The following C7orf78 variants were observed in gnomAD, a reference collection of about 807,000 sequenced individuals.
C7orf78 encodes putative uncharacterized protein C7orf78.
At chr7:12,487,347 C>T in the C7orf78 span, among the ~76,000 whole-genome samples, 4 of 151,930 alleles carry the variant, frequency 2.6e-5, no homozygotes, top group African/African-American at 9.7e-5. Context: ...TATTAGAATA[C>T]TGAAATAAAC....
At chr7:12,504,643 A>C in the C7orf78 span, 17 of 152,136 alleles carry the variant, frequency 1.1e-4, no homozygotes, top group Non-Finnish European at 2.2e-4. Context: ...TTTGGAGCCT[A>C]TATGTTTTAT....
the C7orf78 span, chr7:12,483,457 G>T: frequency 3.3e-5 from 5 of 152,160 alleles, no homozygotes; most frequent in South Asian, 8.3e-4. Flanking sequence ...ACAAAGAACA[G>T]AAGTCGATCT....
At chr7:12,503,276 AT>A in the C7orf78 span, among the ~76,000 whole-genome samples, 4 of 151,812 alleles carry the variant, frequency 2.6e-5, no homozygotes, top group South Asian at 2.1e-4. Context: ...AAGAAAAAAA[AT>A]ATTTATGGGA....
chr7:12,512,707 A>C, the C7orf78 span, among the ~76,000 whole-genome samples: 3 of 152,052 alleles, frequency 2.0e-5, no homozygotes, highest in Admixed American at 1.3e-4. Context: ...GATCTTGTAG[A>C]ATGAGTTAGT....
the C7orf78 span, among the ~76,000 whole-genome samples, chr7:12,536,870 C>T: frequency 6.6e-6 from 1 of 152,158 alleles, no homozygotes; most frequent in African/African-American, 2.4e-5. Context: ...CTCCAGTTTT[C>T]AACAAGTTCC....
chr7:12,499,525 G>C, the C7orf78 span, among the ~76,000 whole-genome samples: 2 of 148,432 alleles, frequency 1.3e-5, no homozygotes, highest in African/African-American at 2.5e-5. Flanking sequence ...AACAAGAAGA[G>C]CTAACTATCC....
the C7orf78 span, among the ~76,000 whole-genome samples, chr7:12,536,580 AT>A: frequency 6.6e-6 from 1 of 152,084 alleles, no homozygotes; most frequent in Non-Finnish European, 1.5e-5. Context: ...ACTTATGCAA[AT>A]TTCTGCAGCC....
At chr7:12,486,588 A>AT in the C7orf78 span, among the ~76,000 whole-genome samples, 1 of 151,940 alleles carries the variant, frequency 6.6e-6, no homozygotes, top group African/African-American at 2.4e-5. Context: ...TTAAACAGTG[A>AT]TTTTTTTCCA....
At chr7:12,523,719 GAT>G in the C7orf78 span, among the ~76,000 whole-genome samples, 319 of 152,220 alleles carry the variant, frequency 2.1e-3, 1 homozygote, top group African/African-American at 7.4e-3. Context: ...GTTGGGTTTA[GAT>G]ATGATTGGAG....
At chr7:12,523,461 A>G in the C7orf78 span, 1 of 397,736 alleles carries the variant, frequency 2.5e-6, no homozygotes, top group Non-Finnish European at 4.4e-6. Flanking sequence ...ACTATTTAAG[A>G]TAGATAAGGG....
chr7:12,512,562 T>C, the C7orf78 span, among the ~76,000 whole-genome samples: 1 of 152,190 alleles, frequency 6.6e-6, no homozygotes, highest in East Asian at 1.9e-4. Flanking sequence ...TGTATATCTT[T>C]TTGATGTGCA....
chr7:12,495,424 T>C, the C7orf78 span, among the ~76,000 whole-genome samples: 1 of 152,228 alleles, frequency 6.6e-6, no homozygotes, highest in Non-Finnish European at 1.5e-5. Flanking sequence ...CGTCTTATTG[T>C]GCTGATATGT....
chr7:12,532,896 AT>A, the C7orf78 span, among the ~76,000 whole-genome samples: 1 of 152,206 alleles, frequency 6.6e-6, no homozygotes, highest in Admixed American at 6.5e-5. Context: ...GGACAGATGA[AT>A]ATAAAAAGAG....
At chr7:12,492,640 A>G in the C7orf78 span, among the ~76,000 whole-genome samples, 145,576 of 152,304 alleles carry the variant, frequency 0.96, 69,645 homozygotes, top group East Asian at 1. Flanking sequence ...CACTCCCAGA[A>G]AGAATGTTGA....
chr7:12,523,887 AT>A, the C7orf78 span, among the ~76,000 whole-genome samples: 1 of 152,206 alleles, frequency 6.6e-6, no homozygotes, highest in Non-Finnish European at 1.5e-5. Context: ...ATGGGCAATA[AT>A]TAGATTTATA....
the C7orf78 span, chr7:12,538,212 A>G: frequency 6.6e-6 from 1 of 152,176 alleles, no homozygotes; most frequent in African/African-American, 2.4e-5. Context: ...AAATTTCAAA[A>G]AGAAAGAAAG....
chr7:12,537,665 A>G, the C7orf78 span, among the ~76,000 whole-genome samples: 1 of 152,188 alleles, frequency 6.6e-6, no homozygotes, highest in Non-Finnish European at 1.5e-5. Context: ...GTATGCACTA[A>G]AAGATATATA....
At chr7:12,484,824 G>A in the C7orf78 span, among the ~76,000 whole-genome samples, 1 of 150,292 alleles carries the variant, frequency 6.7e-6, no homozygotes, top group African/African-American at 2.4e-5. Context: ...CTTCTTTTAT[G>A]TTACTTGGAA....
the C7orf78 span, among the ~76,000 whole-genome samples, chr7:12,523,714 G>A: frequency 6.6e-6 from 1 of 152,078 alleles, no homozygotes; most frequent in Non-Finnish European, 1.5e-5. Context: ...AACAGGTTGG[G>A]TTTAGATATG....
Sources: gnomAD v4.1 joint callset for allele counts (sites outside exome capture counted in the v4.1 genomes callset) on GRCh38, gnomAD v4.1.1 for gene constraint, MANE v1.5 for transcripts, NCBI Gene and HGNC (gene_info 2026-07-23, HGNC 2026-07-21) for gene names.